GPR107: variants seen among roughly 807,000 people sequenced by gnomAD.
GPR107 encodes protein GPR107.
In GPR107, 31 loss-of-function variants were observed where a neutral mutation model predicts 75.5. That is an observed-to-expected ratio of 0.41 (90% CI 0.31 to 0.55). GPR107 has a LOEUF of 0.55. GPR107 is among the 20% of genes least tolerant of loss of function. The pLI, the probability that GPR107 is intolerant of heterozygous loss-of-function variation, is 0.26. For missense variants in GPR107, 572 were observed against 665.7 expected, an observed-to-expected ratio of 0.86 and a Z score of 1.55; for synonymous variants, 267 against 251.3, an observed-to-expected ratio of 1.06 and a Z score of -0.59.
At chr9:130,129,100 C>A in intron 17 of GPR107, 1 of 193,952 alleles carries the variant, frequency 5.2e-6, no homozygotes, top group South Asian at 1.1e-4. Context: ...GTCAGGCCCG[C>A]CATCAGGCGC....
intron 1 of GPR107, among the ~76,000 whole-genome samples, chr9:130,055,209 T>G (rs1306310278): frequency 3.3e-5 from 5 of 152,142 alleles, no homozygotes; most frequent in Non-Finnish European, 7.4e-5. Flanking sequence ...GGCTCACGCC[T>G]GTAATCCTAG....
intron 14 of GPR107, among the ~76,000 whole-genome samples, chr9:130,107,897 A>T (rs188176948): frequency 1.3e-5 from 2 of 152,354 alleles, no homozygotes; most frequent in Admixed American, 1.3e-4. Flanking sequence ...AATGGATTGG[A>T]GATGGCTATG....
chr9:130,138,893 C>G lies in GPR107; in HGVS notation c.*3772C>G, dbSNP rs973174422. The G allele has an allele frequency of 2.0e-5, 3 of 152,186 alleles. No homozygotes were observed. The highest frequency in any genetic ancestry group is 4.4e-5 in the Non-Finnish European group (3 of 68,050). The allele number at this position is 152,186 out of a possible 1,614,324, so 9.4% of individuals were successfully genotyped here. On this transcript the variant is annotated 3_prime_UTR_variant, in exon 18 of 18. Transcript: ENST00000347136. ...GCAGATGCATTCTGGCCTTCTCCCC[C>G]GTCCTGAAACATTTTCTTTGAGGAA...
chr9:130,137,829 T>A lies in GPR107; in HGVS notation c.*2708T>A, dbSNP rs1249799640. ...TTTGAATGGTTAAGCCCTTGCAGTA[T>A]TTCAGATCGGGCAAAAAATATCGGA... On this transcript the variant is annotated 3_prime_UTR_variant, in exon 18 of 18. Coordinates refer to ENST00000347136, the MANE Select transcript of GPR107 (RefSeq NM_020960.5). 1 of 152,254 alleles carries A rather than the reference T, an allele frequency of 6.6e-6. No individual in the cohort carries two copies. The highest frequency in any genetic ancestry group is 1.9e-4 in the East Asian group (1 of 5,198). The allele number at this position is 152,254 out of a possible 1,614,324, so 9.4% of individuals were successfully genotyped here. A position where few individuals can be genotyped will look rare whatever the true frequency, so the allele number is the denominator to read the frequency against.
intron 13 of GPR107, among the ~76,000 whole-genome samples, chr9:130,107,248 T>G (rs1215712757): frequency 6.6e-6 from 1 of 152,142 alleles, no homozygotes; most frequent in Non-Finnish European, 1.5e-5. Flanking sequence ...TTTTGTTTTC[T>G]CCTCACGCTC....
chr9:130,111,651 G>A (rs1831305431), intron 14 of GPR107, among the ~76,000 whole-genome samples: 1 of 151,334 alleles, frequency 6.6e-6, no homozygotes, highest in African/African-American at 2.4e-5. Context: ...CCTGCATTGG[G>A]GTGAATACAG....
chr9:130,125,400 C>CT (rs386416334), intron 15 of GPR107, among the ~76,000 whole-genome samples: 17,022 of 135,542 alleles, frequency 0.13, 1,176 homozygotes, highest in African/African-American at 0.18. Context: ...TGCTTTTTTG[C>CT]TTTTTTTTTT....
Position 130,090,907 on chromosome 9 carries a change from A to G in GPR107, c.653A>G (p.Glu218Gly). Reference protein sequence around the residue: ...FFFNISTDDQEGLYSLYFHKC... With the variant: ...FFFNISTDDQGGLYSLYFHKC... Reference sequence around the variant, plus strand: ...TTTAACATCAGCACTGATGACCAAGAAGGCCTTTACAGTCTTTATTTTCAT... The same window carrying G: ...TTTAACATCAGCACTGATGACCAAGGAGGCCTTTACAGTCTTTATTTTCAT... Residue 218 changes from glutamate (E) to glycine (G), a missense_variant, in exon 8 of 18, where the codon GAA (glutamate) becomes GGA (glycine). Glu to Gly is a moderately conservative substitution (Grantham distance 98, BLOSUM62 -2). Transcript: ENST00000347136. 1 of 1,517,384 alleles carries G rather than the reference A, an allele frequency of 6.6e-7. No individual in the cohort carries two copies. The highest frequency in any genetic ancestry group is 9.1e-7 in the Non-Finnish European group (1 of 1,093,098). The allele number at this position is 1,517,384 out of a possible 1,614,324, so 94.0% of individuals were successfully genotyped here. A position where few individuals can be genotyped will look rare whatever the true frequency, so the allele number is the denominator to read the frequency against.
intron 14 of GPR107, among the ~76,000 whole-genome samples, chr9:130,109,013 T>C (rs1466922438): frequency 8.2e-5 from 12 of 145,830 alleles, no homozygotes; most frequent in Admixed American, 6.2e-4. Context: ...TTTTTTTTTT[T>C]TTTGAGACGG....
chr9:130,089,410 C>T (rs1319458700), intron 7 of GPR107, among the ~76,000 whole-genome samples: 1 of 152,076 alleles, frequency 6.6e-6, no homozygotes, highest in Non-Finnish European at 1.5e-5. Flanking sequence ...GGAAAGAAGT[C>T]GTCATGATTT....
At chr9:130,127,727 G>A (rs1479668931) in intron 16 of GPR107, among the ~76,000 whole-genome samples, 161 bp downstream of exon 16, 1 of 151,896 alleles carries the variant, frequency 6.6e-6, no homozygotes, top group African/African-American at 2.4e-5. Context: ...TTTTGAGACA[G>A]GGTCTCACTC....
At chr9:130,087,339 C>T (rs1589501565) in intron 7 of GPR107, among the ~76,000 whole-genome samples, 1 of 152,208 alleles carries the variant, frequency 6.6e-6, no homozygotes, top group African/African-American at 2.4e-5. Flanking sequence ...TGCCTGGTCT[C>T]ACTTACTTTC....
intron 14 of GPR107, among the ~76,000 whole-genome samples, chr9:130,116,040 T>A (rs1390898095): frequency 6.6e-6 from 1 of 152,258 alleles, no homozygotes; most frequent in East Asian, 1.9e-4. Flanking sequence ...CAGCTTCTGA[T>A]GAACATTATG....
At chr9:130,113,676 G>A (rs968280314) in intron 14 of GPR107, among the ~76,000 whole-genome samples, 6 of 152,184 alleles carry the variant, frequency 3.9e-5, no homozygotes, top group Admixed American at 1.3e-4. Flanking sequence ...GGCCAGTGCA[G>A]GATGTTCCAT....
intron 12 of GPR107, among the ~76,000 whole-genome samples, chr9:130,101,908 G>C (rs879832069): frequency 6.6e-6 from 1 of 152,158 alleles, no homozygotes; most frequent in Non-Finnish European, 1.5e-5. Context: ...TGGAAGGTTG[G>C]GGGTGGAAGG....
chr9:130,131,528 A>T (rs1831827807), intron 17 of GPR107, among the ~76,000 whole-genome samples: 1 of 151,392 alleles, frequency 6.6e-6, no homozygotes, highest in East Asian at 1.9e-4. Flanking sequence ...CACTCCCAGG[A>T]CTCACCCAAG....
chr9:130,055,714 G>A lies in GPR107; in HGVS notation c.141+1641G>A, dbSNP rs148730103. Among the ~76,000 whole-genome samples, 575 of 152,174 alleles carry A rather than the reference G, an allele frequency of 3.8e-3. 5 individuals are homozygous for A. The highest frequency in any genetic ancestry group is 0.017 in the Middle Eastern group (5 of 294). ...AATCCTAGCACTTTGGGAGGCCGAG[G>A]TGGGCGGATCACCTGAGGTCAGGAG... is the stretch of plus-strand genomic sequence containing the variant. On this transcript the variant is annotated intron_variant, in intron 1 of 17. Coordinates refer to ENST00000347136, the MANE Select transcript of GPR107 (RefSeq NM_020960.5).
At chr9:130,083,542 C>G (rs748685929) in intron 5 of GPR107, 23 bp from the exon 6 acceptor site, 25 of 1,488,740 alleles carry the variant, frequency 1.7e-5, no homozygotes, top group Admixed American at 2.6e-5. Context: ...GCAGCACTCT[C>G]TTTTAAATGT....
intron 13 of GPR107, among the ~76,000 whole-genome samples, chr9:130,105,555 C>G (rs1302324701): frequency 6.6e-6 from 1 of 150,622 alleles, no homozygotes; most frequent in African/African-American, 2.4e-5. Flanking sequence ...CCGCAGCTGG[C>G]TGAGGTGCTT....
Sources: gnomAD v4.1 joint callset for allele counts (sites outside exome capture counted in the v4.1 genomes callset) on GRCh38, gnomAD v4.1.1 for gene constraint, MANE v1.5 for transcripts, NCBI Gene and HGNC (gene_info 2026-07-23, HGNC 2026-07-21) for gene names.